The following LGMN variants were observed in gnomAD, a reference collection of about 807,000 sequenced individuals.
LGMN encodes the protein asparaginyl endopeptidase.
Under a neutral mutation model 56.8 loss-of-function variants are expected in LGMN, and 36 were observed. The observed-to-expected ratio is 0.63, with a 90% CI of 0.49 to 0.84. The LOEUF is 0.84. LGMN is among the 40% of genes least tolerant of loss of function. The pLI, the probability that LGMN is intolerant of heterozygous loss-of-function variation, is 0.00. For synonymous variants in LGMN, 199 were observed against 210.1 expected, an observed-to-expected ratio of 0.95 and a Z score of 0.46; for missense variants, 446 against 556.1, an observed-to-expected ratio of 0.80 and a Z score of 1.99.
At chr14:92,740,757 C>A (rs1039735174) in intron 1 of LGMN, among the ~76,000 whole-genome samples, 5 of 152,170 alleles carry the variant, frequency 3.3e-5, no homozygotes, top group African/African-American at 1.2e-4. Flanking sequence ...AGTATCTGAG[C>A]TACACAAAGT....
rs1389790940 is a variant in LGMN at position 92,714,625 on chromosome 14, C to A, written c.405-174G>T. On this transcript the variant is annotated intron_variant, in intron 5 of 13. Coordinates refer to ENST00000334869, the MANE Select transcript of LGMN (RefSeq NM_005606.7). The surrounding 1 kb of genome is among the most constrained non-coding windows in gnomAD (Gnocchi z 5.1). ...GGTGTCTGGCCTGTCCCCTCCACTCCCCTTGGTGTGATTCTGAACCACAGT... is the reference window on the plus strand; with the variant it reads ...GGTGTCTGGCCTGTCCCCTCCACTCACCTTGGTGTGATTCTGAACCACAGT... 6.6e-6 allele frequency among the ~76,000 whole-genome samples: 1 copy of A among 152,328 alleles called. No individual in the cohort carries two copies. The highest frequency in any genetic ancestry group is 1.9e-4 in the East Asian group (1 of 5,188).
At chr14:92,734,765 C>T (rs1213272631) in intron 1 of LGMN, among the ~76,000 whole-genome samples, 2 of 152,150 alleles carry the variant, frequency 1.3e-5, no homozygotes, top group Non-Finnish European at 2.9e-5. Context: ...TGTGCCTCCG[C>T]GATAAGAAGA....
Position 92,709,380 on chromosome 14 carries a change from G to T in LGMN, c.1020+292C>A, listed in dbSNP as rs1010501320. On this transcript the variant is annotated intron_variant, in intron 11 of 13. Coordinates refer to ENST00000334869, the MANE Select transcript of LGMN (RefSeq NM_005606.7). Reference sequence around the variant, plus strand: ...ATAAAAATATCCTCTAAGCAACAAGGTATAAAAGAGGGAAACACCCATGTA... The same window carrying T: ...ATAAAAATATCCTCTAAGCAACAAGTTATAAAAGAGGGAAACACCCATGTA... Among the ~76,000 whole-genome samples, 6 of 152,294 alleles carry T rather than the reference G, an allele frequency of 3.9e-5. No individual in the cohort carries two copies. In the East Asian group the frequency reaches 1.2e-3, roughly 29 times the overall value.
Position 92,712,804 on chromosome 14 carries a change from C to A in LGMN, c.610+1G>T. On this transcript the variant is annotated splice_donor_variant, in intron 8 of 13. Transcript: ENST00000334869. LOFTEE classifies it high-confidence loss of function. ...TCGAGGCCGGCGCCCCAACCACCTA[C>A]CATTGATGTTATCCGGCAGGTGGTT... The A allele has an allele frequency of 6.2e-7, 1 of 1,613,718 alleles. No homozygotes were observed. Among genetic ancestry groups the A allele is most frequent in the Non-Finnish European group, 8.5e-7 (1 of 1,179,876 alleles).
intron 1 of LGMN, among the ~76,000 whole-genome samples, chr14:92,736,355 G>C (rs891228296): frequency 6.6e-6 from 1 of 152,140 alleles, no homozygotes; most frequent in Non-Finnish European, 1.5e-5. Flanking sequence ...CAGTACTTTG[G>C]GAGGCTGAGG....
At chr14:92,725,323 A>G (rs1890688187) in intron 2 of LGMN, among the ~76,000 whole-genome samples, 1 of 152,142 alleles carries the variant, frequency 6.6e-6, no homozygotes, top group East Asian at 1.9e-4. Flanking sequence ...CTGAGGAAAG[A>G]GGATCACTTG....
At chr14:92,723,153 G>T (rs1890567238) in intron 2 of LGMN, among the ~76,000 whole-genome samples, 1 of 151,782 alleles carries the variant, frequency 6.6e-6, no homozygotes, top group Non-Finnish European at 1.5e-5. Flanking sequence ...TGCAAGCGAT[G>T]CTACTGCCTC....
intron 1 of LGMN, among the ~76,000 whole-genome samples, chr14:92,737,417 C>A (rs1387847510): frequency 6.6e-6 from 1 of 152,138 alleles, no homozygotes; most frequent in Non-Finnish European, 1.5e-5. Flanking sequence ...CAGGAGGTTG[C>A]CTTGAGAGAT....
At chr14:92,724,400 T>C (rs1276728603) in intron 2 of LGMN, among the ~76,000 whole-genome samples, 1 of 152,226 alleles carries the variant, frequency 6.6e-6, no homozygotes, top group Non-Finnish European at 1.5e-5. Context: ...TTCTGGGCCT[T>C]GGAGGCACTT....
intron 2 of LGMN, among the ~76,000 whole-genome samples, chr14:92,723,485 T>C (rs552025000): frequency 2.2e-4 from 33 of 152,310 alleles, no homozygotes; most frequent in Non-Finnish European, 3.7e-4. Flanking sequence ...AACTGGTAAA[T>C]GGGCAGGCAA....
At chr14:92,709,647 C>T in intron 11 of LGMN, 25 bp downstream of exon 11, 1 of 1,605,824 alleles carries the variant, frequency 6.2e-7, no homozygotes, top group South Asian at 1.1e-5. Flanking sequence ...AGCACCTGGG[C>T]ACAGCTCCTT....
At chr14:92,716,244 A>ATCAGATGCAG in intron 4 of LGMN, 23 bp from the exon 5 acceptor site, 1 of 1,546,968 alleles carries the variant, frequency 6.5e-7, no homozygotes, top group Non-Finnish European at 8.9e-7. Flanking sequence ...AGGAGCCACA[A>ATCAGATGCAG]TCAGATGCAG....
chr14:92,716,266 A>G lies in LGMN; in HGVS notation c.319-45T>C, dbSNP rs573404937. 2.1e-6 allele frequency: 3 copies of G among 1,426,514 alleles called. No homozygotes were observed. The East Asian group carries it at 6.8e-5, about 33-fold the overall frequency. The allele number at this position is 1,426,514 out of a possible 1,614,324, so 88.4% of individuals were successfully genotyped here. A position where few individuals can be genotyped will look rare whatever the true frequency, so the allele number is the denominator to read the frequency against. On this transcript the variant is annotated intron_variant, in intron 4 of 13. Transcript: ENST00000334869. ...ACAATCAGATGCAGCTGTCGCTCCA[A>G]CCCAGAGAGTTGGCTGAGTCTGCAA...
chr14:92,712,240 T>C (rs999408230), intron 8 of LGMN, among the ~76,000 whole-genome samples: 4 of 152,204 alleles, frequency 2.6e-5, no homozygotes, highest in African/African-American at 9.7e-5. Flanking sequence ...AATGCTGACA[T>C]TTCCACAGCA....
chr14:92,704,450 G>GTTATGACA (rs1566911820), intron 13 of LGMN, 89 bp from the exon 14 acceptor site: 57 of 1,160,666 alleles, frequency 4.9e-5, no homozygotes, highest in Non-Finnish European at 5.5e-5. Flanking sequence ...CAGGCAGGCA[G>GTTATGACA]TTATGACAGG....
rs867470079 is a variant in LGMN at position 92,719,188 on chromosome 14, A to G, written c.139-344T>C. 5.3e-3 allele frequency among the ~76,000 whole-genome samples: 679 copies of G among 127,780 alleles called. 15 individuals carry two copies. Among genetic ancestry groups the G allele is most frequent in the African/African-American group, 0.02 (635 of 31,608 alleles). 83.8% of individuals were successfully genotyped at this position (127,780 alleles called of 152,430 possible). On this transcript the variant is annotated intron_variant, in intron 2 of 13. Transcript: ENST00000334869. The stretch of plus-strand genomic sequence containing the variant: ...CACCACCACCACCACCACCATCACC[A>G]CCACCGCCACCAACACCACCACCGC...
intron 1 of LGMN, 56 bp from the exon 2 acceptor site, chr14:92,732,871 C>T (rs1476432663): frequency 1.4e-6 from 2 of 1,438,212 alleles, no homozygotes; most frequent in Middle Eastern, 1.8e-4. Flanking sequence ...TAAACATTGG[C>T]TGGGCGCGGT....
At chr14:92,747,694 T>C (rs150493717) in intron 1 of LGMN, among the ~76,000 whole-genome samples, 7 of 152,300 alleles carry the variant, frequency 4.6e-5, no homozygotes, top group Middle Eastern at 3.4e-3. Flanking sequence ...AAAAGCTTAG[T>C]AAGGCTCGAA....
chr14:92,731,963 C>T lies in LGMN; in HGVS notation c.138+686G>A, dbSNP rs903660802. 5.3e-5 allele frequency among the ~76,000 whole-genome samples: 8 copies of T among 152,210 alleles called. 1 individual carries two copies. Among genetic ancestry groups the T allele is most frequent in the Admixed American group, 2.6e-4 (4 of 15,278 alleles). On this transcript the variant is annotated intron_variant, in intron 2 of 13. Coordinates refer to ENST00000334869, the MANE Select transcript of LGMN (RefSeq NM_005606.7). ...CCGATGTGGCTTCTTTTCTTCTTCT[C>T]TCTACCTTCTGGTAGGCTGATGTGG...
Sources: gnomAD v4.1 joint callset for allele counts (sites outside exome capture counted in the v4.1 genomes callset) on GRCh38, gnomAD v4.1.1 for gene constraint, Gnocchi (gnomAD v3.1) non-coding constraint, MANE v1.5 for transcripts, NCBI Gene and HGNC (gene_info 2026-07-23, HGNC 2026-07-21) for gene names.